The following PDE11A variants were observed in gnomAD, a reference collection of about 807,000 sequenced individuals.
The protein encoded by PDE11A is phosphodiesterase 11A.
In PDE11A, 100 loss-of-function variants were observed where a neutral mutation model predicts 100.5. The ratio of observed to expected loss-of-function variants is 1.00; its 90% CI spans 0.85 to 1.18. The LOEUF (loss-of-function observed/expected upper bound fraction) is 1.18. Ranked by LOEUF, PDE11A falls within the 50% of genes most tolerant of loss-of-function variation. The pLI, the probability that PDE11A is intolerant of heterozygous loss-of-function variation, is 0.00. For missense variants in PDE11A, 1,141 were observed against 1,152.6 expected, an observed-to-expected ratio of 0.99 and a Z score of 0.15; for synonymous variants, 381 against 420.8, an observed-to-expected ratio of 0.91 and a Z score of 1.16.
intron 2 of PDE11A, among the ~76,000 whole-genome samples, chr2:177,992,457 AAAATAT>A (rs2086016058): frequency 7.0e-6 from 1 of 143,704 alleles, no homozygotes; most frequent in Admixed American, 7.1e-5. Context: ...AGAAGTTACC[AAAATAT>A]TTCTACCATT....
chr2:177,654,213 C>A (rs1192609962), intron 19 of PDE11A, among the ~76,000 whole-genome samples: 1 of 152,206 alleles, frequency 6.6e-6, no homozygotes, highest in Non-Finnish European at 1.5e-5. Context: ...GAATACTAGG[C>A]TGCCATTTCA....
At chr2:177,716,235 C>T (rs1362077748) in intron 12 of PDE11A, among the ~76,000 whole-genome samples, 2 of 152,112 alleles carry the variant, frequency 1.3e-5, no homozygotes, top group Non-Finnish European at 2.9e-5. Context: ...GAAAAGTAGC[C>T]CTCCAGCTAC....
chr2:177,795,080 CA>C (rs1390626142), intron 9 of PDE11A, among the ~76,000 whole-genome samples: 1 of 152,132 alleles, frequency 6.6e-6, no homozygotes, highest in Admixed American at 6.6e-5. Flanking sequence ...CCACTGCACC[CA>C]GCCGGTGTCT....
intron 1 of PDE11A, among the ~76,000 whole-genome samples, chr2:178,053,472 C>G (rs2086855359): frequency 6.6e-6 from 1 of 152,202 alleles, no homozygotes; most frequent in Non-Finnish European, 1.5e-5. Flanking sequence ...GATGCCCTCT[C>G]TCACCACTCC....
At chr2:177,808,924 T>C (rs779208066) in intron 9 of PDE11A, among the ~76,000 whole-genome samples, 3 of 152,198 alleles carry the variant, frequency 2.0e-5, no homozygotes, top group Non-Finnish European at 4.4e-5. Flanking sequence ...TGGAATATTA[T>C]TCAAGCCTTA....
intron 10 of PDE11A, among the ~76,000 whole-genome samples, chr2:177,741,256 G>A (rs754178262): frequency 5.3e-5 from 8 of 152,098 alleles, no homozygotes; most frequent in Non-Finnish European, 7.4e-5. Context: ...CTGCCTTCTC[G>A]CTACGTGCTC....
At position 177,752,315 on chromosome 2, in the gene PDE11A, T is replaced by G. The variant is rs950863429; in HGVS notation, c.1788+17008A>C. ...CTTCTTTCATTACTCAAAAAATACG[T>G]AGGTTTCAGGGTAGACTCTTATAAT... On this transcript the variant is annotated intron_variant, in intron 10 of 19. Coordinates refer to ENST00000286063, the MANE Select transcript of PDE11A (RefSeq NM_016953.4). 7.9e-5 allele frequency among the ~76,000 whole-genome samples: 12 copies of G among 152,174 alleles called. No homozygotes were observed. In the East Asian group the frequency reaches 2.3e-3, roughly 29 times the overall value.
rs767951178 is a variant in PDE11A, at chr2:177,728,018, CA to C, written c.1935+7del. 6.8e-6 allele frequency: 11 copies of C among 1,612,018 alleles called. No individual in the cohort carries two copies. In the East Asian group the frequency reaches 2.2e-4, roughly 33 times the overall value. ...AACTGCTTGGATCACCCAAGACAGA[CA>C]TCTTACCTCATAGTCAATTTTAAAT... On this transcript the variant is annotated splice_region_variant and intron_variant, in intron 11 of 19. Transcript: ENST00000286063.
chr2:177,629,831 C>T (rs1250663602), intron 19 of PDE11A, among the ~76,000 whole-genome samples: 1 of 152,190 alleles, frequency 6.6e-6, no homozygotes, highest in Non-Finnish European at 1.5e-5. Context: ...CATGTAGACT[C>T]AAATCCTGTT....
At position 177,970,980 on chromosome 2, in the gene PDE11A, T is replaced by C. The variant is rs182850056; in HGVS notation, c.1071+43322A>G. 2.6e-5 allele frequency among the ~76,000 whole-genome samples: 4 copies of C among 152,324 alleles called. No homozygotes were observed. The East Asian group carries it at 5.8e-4, about 22-fold the overall frequency. Reference sequence around the variant, plus strand: ...CTTGTTACCTGGGGATCATTACTTATTGAGGCAAATGTACTTACTATTGTT... The same window carrying C: ...CTTGTTACCTGGGGATCATTACTTACTGAGGCAAATGTACTTACTATTGTT... On this transcript the variant is annotated intron_variant, in intron 2 of 19. Coordinates refer to ENST00000286063, the MANE Select transcript of PDE11A (RefSeq NM_016953.4).
chr2:178,039,946 G>C (rs984307411), intron 1 of PDE11A, among the ~76,000 whole-genome samples: 2 of 152,094 alleles, frequency 1.3e-5, no homozygotes, highest in Non-Finnish European at 2.9e-5. Context: ...CAAAGTCATG[G>C]GGAGGGAAAC....
chr2:177,660,777 C>A (rs2080474868), intron 19 of PDE11A, among the ~76,000 whole-genome samples: 1 of 152,230 alleles, frequency 6.6e-6, no homozygotes, highest in Non-Finnish European at 1.5e-5. Context: ...AACAGGAACA[C>A]AAACAGAAAG....
chr2:177,651,943 G>A (rs2080315677), intron 19 of PDE11A, among the ~76,000 whole-genome samples: 1 of 152,128 alleles, frequency 6.6e-6, no homozygotes, highest in African/African-American at 2.4e-5. Context: ...TGTTAACACC[G>A]CCACAGGGCA....
At chr2:177,916,423 T>C (rs1216275051) in intron 2 of PDE11A, among the ~76,000 whole-genome samples, 1 of 152,218 alleles carries the variant, frequency 6.6e-6, no homozygotes, top group Non-Finnish European at 1.5e-5. Context: ...ACCCCACTTC[T>C]AATCAGCCAC....
At chr2:177,849,758 C>T (rs1036070084) in intron 5 of PDE11A, among the ~76,000 whole-genome samples, 8 of 149,360 alleles carry the variant, frequency 5.4e-5, no homozygotes, top group Non-Finnish European at 1.2e-4. Context: ...CCACTGCACT[C>T]CAGCCTGGGC....
At chr2:177,865,878 G>C (rs1043736900) in intron 5 of PDE11A, among the ~76,000 whole-genome samples, 1 of 152,064 alleles carries the variant, frequency 6.6e-6, no homozygotes, top group Non-Finnish European at 1.5e-5. Flanking sequence ...GCTGCTAATG[G>C]GTAGAGTTTC....
intron 19 of PDE11A, among the ~76,000 whole-genome samples, chr2:177,639,807 G>A (rs561165819): frequency 3.5e-4 from 53 of 152,248 alleles, no homozygotes; most frequent in African/African-American, 1.2e-3. Flanking sequence ...GTGGGACAAG[G>A]GAGGAGCAGA....
At chr2:177,854,829 G>A (rs543015105) in intron 5 of PDE11A, among the ~76,000 whole-genome samples, 1 of 152,132 alleles carries the variant, frequency 6.6e-6, no homozygotes, top group Non-Finnish European at 1.5e-5. Context: ...TGCCAGAAAG[G>A]GAATAGAAAT....
At chr2:177,851,786 G>T (rs1203782045) in intron 5 of PDE11A, among the ~76,000 whole-genome samples, 3 of 152,010 alleles carry the variant, frequency 2.0e-5, no homozygotes, top group Non-Finnish European at 4.4e-5. Flanking sequence ...AGGGCATGCA[G>T]GTTTGTTACA....
Sources: allele counts gnomAD v4.1 joint callset (sites outside exome capture counted in the v4.1 genomes callset), GRCh38; gene constraint gnomAD v4.1.1; transcripts MANE v1.5; gene names NCBI Gene and HGNC (gene_info 2026-07-23, HGNC 2026-07-21).